The following PTAFR variants were observed in gnomAD, a reference collection of about 807,000 sequenced individuals.
The protein encoded by PTAFR is platelet activating factor receptor, also known as platelet-activating factor receptor.
A neutral mutation model predicts 14.7 loss-of-function variants in PTAFR; 8 were observed. The ratio of observed to expected loss-of-function variants is 0.54; its 90% CI spans 0.32 to 0.98. PTAFR has a LOEUF of 0.98. PTAFR is among the 50% of genes least tolerant of loss of function. PTAFR has a pLI of 0.04. For missense variants in PTAFR, 337 were observed against 451.2 expected (o/e 0.75, Z 2.29); for synonymous variants, 156 against 176.5 (o/e 0.88, Z 0.92).
At chr1:28,178,319 G>A (rs1490739334), upstream of PTAFR, among the ~76,000 whole-genome samples, 1 of 151,776 alleles carries the variant, frequency 6.6e-6, no homozygotes, top group Non-Finnish European at 1.5e-5. Flanking sequence ...GGAGTGCAGT[G>A]ATGCAATCTC....
chr1:28,168,193 A>G (rs71642225), intron 1 of PTAFR, among the ~76,000 whole-genome samples: 8,413 of 147,992 alleles, frequency 0.057, 375 homozygotes, highest in Non-Finnish European at 0.09. Context: ...GGATGGTCTC[A>G]ATCTGCTGAC....
chr1:28,187,038 G>A (rs769713248), intron 1 of PTAFR, among the ~76,000 whole-genome samples: 3 of 152,078 alleles, frequency 2.0e-5, no homozygotes, highest in Admixed American at 1.3e-4. Flanking sequence ...TGATCTGCCC[G>A]CCTCGGCCTC....
chr1:28,169,737 T>C (rs899549974), intron 1 of PTAFR, among the ~76,000 whole-genome samples: 3 of 152,080 alleles, frequency 2.0e-5, no homozygotes, highest in Admixed American at 2.0e-4. Context: ...CAGTGGCTCA[T>C]ACCTGTAATC....
chr1:28,167,997 A>C (rs1247571736), intron 1 of PTAFR, among the ~76,000 whole-genome samples: 6 of 109,250 alleles, frequency 5.5e-5, no homozygotes, highest in East Asian at 2.9e-4. Context: ...CTCGCTCTGT[A>C]GCGCAGGCTG....
intron 1 of PTAFR, among the ~76,000 whole-genome samples, chr1:28,192,446 T>C (rs146062964): frequency 6.7e-6 from 1 of 149,710 alleles, no homozygotes; most frequent in East Asian, 2.0e-4. Context: ...TAATCCCAGC[T>C]ACTTGGAAGT....
At chr1:28,177,580 T>C (rs976219111), upstream of PTAFR, among the ~76,000 whole-genome samples, 1 of 152,194 alleles carries the variant, frequency 6.6e-6, no homozygotes, top group African/African-American at 2.4e-5. Flanking sequence ...GTTCATGCGG[T>C]TGATTTCTGG....
upstream of PTAFR, among the ~76,000 whole-genome samples, chr1:28,178,170 G>A (rs901651588): frequency 3.3e-5 from 5 of 152,152 alleles, no homozygotes; most frequent in African/African-American, 1.2e-4. Flanking sequence ...TCTCAGCTCC[G>A]CTCTGGGTAT....
intron 1 of PTAFR, among the ~76,000 whole-genome samples, chr1:28,155,923 G>A (rs1402561137): frequency 2.0e-5 from 3 of 151,774 alleles, no homozygotes; most frequent in South Asian, 4.2e-4. Flanking sequence ...ACATCACAAC[G>A]AACCTTTAAG....
intron 1 of PTAFR, among the ~76,000 whole-genome samples, chr1:28,157,019 C>T (rs1235067498): frequency 6.6e-6 from 1 of 152,202 alleles, no homozygotes; most frequent in Non-Finnish European, 1.5e-5. Flanking sequence ...CCTGCCTGCC[C>T]ACGCCTATTG....
At chr1:28,153,073 C>T (rs1265368848) in intron 1 of PTAFR, among the ~76,000 whole-genome samples, 1 of 151,900 alleles carries the variant, frequency 6.6e-6, no homozygotes, top group Non-Finnish European at 1.5e-5. Flanking sequence ...GTGGGAGGAC[C>T]GAGTGAGCCC....
intron 1 of PTAFR, among the ~76,000 whole-genome samples, chr1:28,183,489 A>C (rs2149007104): frequency 6.6e-6 from 1 of 152,322 alleles, no homozygotes; most frequent in East Asian, 1.9e-4. Context: ...TTAGCTGGAC[A>C]TGGCAGTGCA....
At chr1:28,163,654 A>G (rs924720366) in intron 1 of PTAFR, among the ~76,000 whole-genome samples, 1 of 152,198 alleles carries the variant, frequency 6.6e-6, no homozygotes, top group African/African-American at 2.4e-5. Context: ...GGTTTCAAAG[A>G]TAAGTATGCA....
intron 1 of PTAFR, among the ~76,000 whole-genome samples, chr1:28,165,329 G>A (rs1462818936): frequency 2.1e-5 from 3 of 143,526 alleles, no homozygotes; most frequent in African/African-American, 5.3e-5. Context: ...CACTTGAACC[G>A]GGAGGCGGAG....
At chr1:28,155,922 C>T (rs1246094507) in intron 1 of PTAFR, among the ~76,000 whole-genome samples, 1 of 151,914 alleles carries the variant, frequency 6.6e-6, no homozygotes, top group African/African-American at 2.4e-5. Flanking sequence ...TACATCACAA[C>T]GAACCTTTAA....
intron 1 of PTAFR, among the ~76,000 whole-genome samples, chr1:28,174,478 A>T (rs1335061258): frequency 1.3e-5 from 2 of 152,188 alleles, no homozygotes. Flanking sequence ...GAGAAAACTC[A>T]GTCCTGTAGG....
At position 28,149,928 on chromosome 1, in the gene PTAFR, C is replaced by A; in HGVS notation, c.*65G>T. 1 of 1,542,594 alleles carries A rather than the reference C, an allele frequency of 6.5e-7. No individual in the cohort carries two copies. Among genetic ancestry groups the A allele is most frequent in the Non-Finnish European group, 8.8e-7 (1 of 1,139,980 alleles). ...TGGTGCCCAGACCACAGTAGATATCCCTTCTTCCCCCAGCTCAGTCCATGA... is the reference window on the plus strand; with the variant it reads ...TGGTGCCCAGACCACAGTAGATATCACTTCTTCCCCCAGCTCAGTCCATGA... On this transcript the variant is annotated 3_prime_UTR_variant, in exon 2 of 2. Transcript: ENST00000373857.
intron 1 of PTAFR, among the ~76,000 whole-genome samples, chr1:28,184,023 G>A (rs937295427): frequency 3.4e-5 from 5 of 149,126 alleles, no homozygotes; most frequent in African/African-American, 1.2e-4. Context: ...CCACCTCCCC[G>A]CTGGATTGCA....
At position 28,147,198 on chromosome 1, in the gene PTAFR, T is replaced by C. The variant is rs1167943819; in HGVS notation, c.*2795A>G. 6.6e-6 allele frequency: 1 copy of C among 152,174 alleles called. No individual in the cohort carries two copies. The highest frequency in any genetic ancestry group is 1.5e-5 in the Non-Finnish European group (1 of 68,024). 9.4% of individuals were successfully genotyped at this position (152,174 alleles called of 1,614,324 possible). ...AAAGAAAACTTCTTTATTAAGTAAA[T>C]GGACAGTTGGTACACAGATATTGCA... On this transcript the variant is annotated 3_prime_UTR_variant, in exon 2 of 2. Coordinates refer to ENST00000373857, the MANE Select transcript of PTAFR (RefSeq NM_000952.5).
intron 1 of PTAFR, among the ~76,000 whole-genome samples, chr1:28,191,124 C>T (rs1289950923): frequency 2.0e-5 from 3 of 152,260 alleles, no homozygotes; most frequent in African/African-American, 4.8e-5. Flanking sequence ...ACCTGCTCCG[C>T]TCCCTATCTT....
Sources: gnomAD v4.1 joint callset for allele counts (sites outside exome capture counted in the v4.1 genomes callset) on GRCh38, gnomAD v4.1.1 for gene constraint, MANE v1.5 for transcripts, NCBI Gene and HGNC (gene_info 2026-07-23, HGNC 2026-07-21) for gene names.